The following TANGO6 variants were observed in gnomAD, a reference collection of about 807,000 sequenced individuals.
TANGO6 encodes transport and golgi organization 6 homolog, also known as transport and Golgi organization protein 6 homolog.
A neutral mutation model predicts 114.2 loss-of-function variants in TANGO6; 90 were observed. The observed-to-expected ratio is 0.79, with a 90% CI of 0.66 to 0.94. The LOEUF (loss-of-function observed/expected upper bound fraction) is 0.94, where lower values mean the gene tolerates loss of function less well. Ranked by LOEUF, TANGO6 falls within the 40% of genes least tolerant of loss-of-function variation. The pLI, the probability that TANGO6 is intolerant of heterozygous loss-of-function variation, is 0.00. For missense variants in TANGO6, 1,274 were observed against 1,315.3 expected (o/e 0.97, Z 0.49); for synonymous variants, 477 against 509.8 (o/e 0.94, Z 0.87).
chr16:68,976,947 T>C (rs1426034927), intron 15 of TANGO6, among the ~76,000 whole-genome samples: 3 of 152,240 alleles, frequency 2.0e-5, no homozygotes, highest in African/African-American at 7.2e-5. Flanking sequence ...TAGCCTATTA[T>C]CTAAGGCAGA....
chr16:68,866,045 G>A lies in TANGO6; in HGVS notation c.853-1034G>A, dbSNP rs369986687. On this transcript the variant is annotated intron_variant, in intron 3 of 17. Coordinates refer to ENST00000261778, the MANE Select transcript of TANGO6 (RefSeq NM_024562.2). ...AACTACCCTCTTAGTGGCAAATAAC[G>A]TTCATAAGAATCTTCCTTGGAAGCT... Among the ~76,000 whole-genome samples the A allele has an allele frequency of 3.3e-5, 5 of 152,280 alleles. No homozygotes were observed. In the East Asian group the frequency reaches 7.7e-4, roughly 23 times the overall value.
Position 69,006,045 on chromosome 16 carries a change from A to G in TANGO6, c.2843-16783A>G, listed in dbSNP as rs139315338. ...CTTTGAAGCAGTAAAAACTGAAATT[A>G]TATTGTCACCATCGTTTACTGACAA... On this transcript the variant is annotated intron_variant, in intron 15 of 17. Transcript: ENST00000261778. Among the ~76,000 whole-genome samples the G allele has an allele frequency of 7.9e-4, 121 of 152,352 alleles. 1 individual carries two copies. The East Asian group carries it at 0.02, about 26-fold the overall frequency.
chr16:69,045,854 A>G (rs1256433774), intron 17 of TANGO6, among the ~76,000 whole-genome samples: 1 of 151,720 alleles, frequency 6.6e-6, no homozygotes, highest in Non-Finnish European at 1.5e-5. Context: ...TCACGAGGTC[A>G]GGAATTCAAG....
chr16:68,944,257 T>C (rs975018577), intron 14 of TANGO6, among the ~76,000 whole-genome samples: 12 of 152,184 alleles, frequency 7.9e-5, no homozygotes, highest in Admixed American at 2.0e-4. Context: ...GTGACTCAGT[T>C]TAATGTTGAA....
intron 14 of TANGO6, among the ~76,000 whole-genome samples, chr16:68,958,560 A>G (rs986096639): frequency 1.3e-5 from 2 of 151,594 alleles, no homozygotes; most frequent in Non-Finnish European, 2.9e-5. Flanking sequence ...GGAGGAAGGA[A>G]AGAAAAGAAA....
chr16:69,045,568 C>T (rs1283128525), intron 17 of TANGO6, among the ~76,000 whole-genome samples: 2 of 151,236 alleles, frequency 1.3e-5, no homozygotes, highest in Non-Finnish European at 1.5e-5. Context: ...ATAGTGAAAC[C>T]CCCTCTCTAC....
intron 17 of TANGO6, among the ~76,000 whole-genome samples, chr16:69,055,672 G>C (rs1203913856): frequency 6.6e-6 from 1 of 152,208 alleles, no homozygotes; most frequent in South Asian, 2.1e-4. Flanking sequence ...CTAGGACTAG[G>C]GAATAATCCC....
At chr16:68,949,377 T>G (rs1396719991) in intron 14 of TANGO6, among the ~76,000 whole-genome samples, 1 of 152,046 alleles carries the variant, frequency 6.6e-6, no homozygotes, top group Non-Finnish European at 1.5e-5. Flanking sequence ...TCCCAGCACT[T>G]TGGGAGGCCG....
Position 68,904,589 on chromosome 16 carries a change from A to G in TANGO6, c.1667+2085A>G, listed in dbSNP as rs548239354. The stretch of plus-strand genomic sequence containing the variant: ...AATTGTACTTTTCAATGAGATGAAG[A>G]AACATCTATCTTTTTTTTCTCAACT... On this transcript the variant is annotated intron_variant, in intron 9 of 17. Coordinates refer to ENST00000261778, the MANE Select transcript of TANGO6 (RefSeq NM_024562.2). 1.1e-4 allele frequency among the ~76,000 whole-genome samples: 16 copies of G among 152,346 alleles called. No individual in the cohort carries two copies. In the East Asian group the frequency reaches 2.9e-3, roughly 28 times the overall value.
chr16:68,847,806 C>T (rs1020842008), intron 1 of TANGO6, among the ~76,000 whole-genome samples: 57 of 152,174 alleles, frequency 3.7e-4, no homozygotes, highest in African/African-American at 1.3e-3. Flanking sequence ...TCGAGACCAG[C>T]CTGGCCAACA....
chr16:68,843,549 T>C lies in TANGO6; in HGVS notation c.-69T>C, dbSNP rs534473728. 25 of 1,499,934 alleles carry C rather than the reference T, an allele frequency of 1.7e-5. No individual in the cohort carries two copies. In the East Asian group the frequency reaches 4.6e-4, roughly 27 times the overall value. The allele number at this position is 1,499,934 out of a possible 1,614,324, so 92.9% of individuals were successfully genotyped here. A position where few individuals can be genotyped will look rare whatever the true frequency, so the allele number is the denominator to read the frequency against. On this transcript the variant is annotated 5_prime_UTR_variant, in exon 1 of 18. Coordinates refer to ENST00000261778, the MANE Select transcript of TANGO6 (RefSeq NM_024562.2). ...TGTGCCCAGAGCCTTCTGCCACACT[T>C]AACATGGCGGCGGCGGCGCCCTGCC...
At chr16:69,018,532 C>G (rs1463846576) in intron 15 of TANGO6, among the ~76,000 whole-genome samples, 1 of 151,864 alleles carries the variant, frequency 6.6e-6, no homozygotes, top group Non-Finnish European at 1.5e-5. Context: ...AAGTTTGATC[C>G]CAGCTCTATT....
At position 68,908,208 on chromosome 16, in the gene TANGO6, G is replaced by A. The variant is rs370040830; in HGVS notation, c.1800+633G>A. Among the ~76,000 whole-genome samples, 144 of 152,272 alleles carry A rather than the reference G, an allele frequency of 9.5e-4. 3 individuals carry two copies. The South Asian group carries it at 0.028, about 30-fold the overall frequency. ...AGTGTCTACTCTAAAAGAACTCTAA[G>A]AGAGTTTAAGGTTTCTGTGGGTATG... On this transcript the variant is annotated intron_variant, in intron 10 of 17. Coordinates refer to ENST00000261778, the MANE Select transcript of TANGO6 (RefSeq NM_024562.2).
At chr16:68,942,550 A>C (rs147806625) in intron 14 of TANGO6, among the ~76,000 whole-genome samples, 1 of 152,340 alleles carries the variant, frequency 6.6e-6, no homozygotes, top group East Asian at 1.9e-4. Flanking sequence ...GATTGTTTGA[A>C]TTTAATCTGA....
intron 14 of TANGO6, chr16:68,948,278 A>G (rs149661394): frequency 4.9e-4 from 75 of 152,344 alleles, no homozygotes; most frequent in African/African-American, 1.7e-3. Flanking sequence ...CCTTGGATGT[A>G]AAGAGAAATG....
At chr16:69,005,409 G>GGC (rs1964083547) in intron 15 of TANGO6, among the ~76,000 whole-genome samples, 1 of 152,208 alleles carries the variant, frequency 6.6e-6, no homozygotes, top group Non-Finnish European at 1.5e-5. Context: ...GACAATGGGA[G>GGC]GCTGCAGTCA....
chr16:68,889,317 G>C (rs1261500561), intron 7 of TANGO6, among the ~76,000 whole-genome samples: 1 of 152,162 alleles, frequency 6.6e-6, no homozygotes, highest in Non-Finnish European at 1.5e-5. Context: ...TAGTCTATGA[G>C]TTTTGACAGA....
At chr16:68,852,850 A>G (rs1961927911) in intron 1 of TANGO6, among the ~76,000 whole-genome samples, 1 of 151,974 alleles carries the variant, frequency 6.6e-6, no homozygotes. Flanking sequence ...AAAAGAAAAA[A>G]AGAAAAGTTG....
chr16:69,023,164 T>C (rs1463143308), intron 16 of TANGO6, among the ~76,000 whole-genome samples, 185 bp downstream of exon 16: 1 of 152,034 alleles, frequency 6.6e-6, no homozygotes. Flanking sequence ...TTGAAAGTTA[T>C]GTTAGTAAGG....
Sources: gnomAD v4.1 joint callset for allele counts (sites outside exome capture counted in the v4.1 genomes callset) on GRCh38, gnomAD v4.1.1 for gene constraint, MANE v1.5 for transcripts, NCBI Gene and HGNC (gene_info 2026-07-23, HGNC 2026-07-21) for gene names.